Variants in TCF7L2 observed in about 807,000 individuals in gnomAD.
TCF7L2 encodes transcription factor 7 like 2, also known as transcription factor 7-like 2.
In TCF7L2, 23 loss-of-function variants were observed where a neutral mutation model predicts 77.9. The observed-to-expected ratio is 0.30, with a 90% confidence interval of 0.21 to 0.42. The LOEUF (loss-of-function observed/expected upper bound fraction) is 0.42. Among genes scored for constraint, TCF7L2 ranks in the 10% least tolerant of loss-of-function variants. The pLI is 1.00. For missense variants in TCF7L2, 654 were observed against 793.1 expected, an observed-to-expected ratio of 0.82 and a Z score of 2.11; for synonymous variants, 413 against 340.2, an observed-to-expected ratio of 1.21 and a Z score of -2.36.
intron 1 of TCF7L2, 66 bp downstream of exon 1, chr10:112,951,011 A>G: frequency 6.5e-7 from 1 of 1,542,908 alleles, no homozygotes; most frequent in Non-Finnish European, 8.7e-7. Flanking sequence ...AATGTTGCTG[A>G]AAGGGGAGAA....
At chr10:113,165,177 G>A (rs952804750) in intron 13 of TCF7L2, among the ~76,000 whole-genome samples, 13 of 152,314 alleles carry the variant, frequency 8.5e-5, no homozygotes, top group African/African-American at 2.9e-4. Context: ...AGCCAAAAGA[G>A]CTTTTCAGTT....
chr10:113,097,648 A>AAAAAAAAAAAAACAAAACAAAAC (rs2061162507), intron 5 of TCF7L2, among the ~76,000 whole-genome samples: 1 of 37,560 alleles, frequency 2.7e-5, no homozygotes, highest in African/African-American at 8.1e-5. Context: ...TTGTCTCGGA[A>AAAAAAAAAAAAACAAAACAAAAC]AAAAAAAAAA....
At chr10:113,145,221 A>G (rs2069139455) in intron 7 of TCF7L2, among the ~76,000 whole-genome samples, 1 of 151,330 alleles carries the variant, frequency 6.6e-6, no homozygotes, top group Non-Finnish European at 1.5e-5. Flanking sequence ...TTTTATTGGG[A>G]CGGTAGACAT....
At chr10:113,006,785 G>C (rs1329203548) in intron 4 of TCF7L2, among the ~76,000 whole-genome samples, 3 of 152,176 alleles carry the variant, frequency 2.0e-5, no homozygotes, top group African/African-American at 7.2e-5. Flanking sequence ...TAAGAAACAT[G>C]CCCTGTGGGG....
Position 112,965,621 on chromosome 10 carries a change from GTGTGTATA to G in TCF7L2, c.450+1003_450+1010del, listed in dbSNP as rs879908822. On this transcript the variant is annotated intron_variant, in intron 4 of 13. Coordinates refer to ENST00000627217, the MANE Select transcript of TCF7L2 (RefSeq NM_001146274.2). ...GCCCTTGCAGATAACTTGTCTGTGT[GTGTGTATA>G]TGTGTGTGTGTGTGTGTGTGTGTGT... is the stretch of plus-strand genomic sequence containing the variant. 6.5e-3 allele frequency among the ~76,000 whole-genome samples: 658 copies of G among 100,792 alleles called. 9 individuals are homozygous for G. In the East Asian group the frequency reaches 0.19, roughly 28 times the overall value. 66.1% of individuals were successfully genotyped at this position (100,792 alleles called of 152,430 possible). A position where few individuals can be genotyped will look rare whatever the true frequency, so the allele number is the denominator to read the frequency against.
rs2137179187 is a variant in TCF7L2 at position 113,152,380 on chromosome 10, C to T, written c.1209C>T (p.Ala403=). 5 of 1,614,168 alleles carry T rather than the reference C, an allele frequency of 3.1e-6. No homozygotes were observed. Among genetic ancestry groups the T allele is most frequent in the Non-Finnish European group, 4.2e-6 (5 of 1,180,036 alleles). The stretch of plus-strand genomic sequence containing the variant: ...AGCAAGCGAAATACTACGAGCTGGC[C>T]CGGAAGGAGCGACAGCTTCATATGC... Residue 403 remains alanine (A), a synonymous_variant, in exon 11 of 14, where the codon GCC becomes GCT. Transcript: ENST00000627217.
chr10:113,146,981 C>G (rs1363120300), intron 8 of TCF7L2, among the ~76,000 whole-genome samples: 1 of 152,130 alleles, frequency 6.6e-6, no homozygotes, highest in Non-Finnish European at 1.5e-5. Flanking sequence ...AAGATACATT[C>G]CTATCCCCAT....
At chr10:113,085,333 G>A (rs962945298) in intron 5 of TCF7L2, among the ~76,000 whole-genome samples, 6 of 151,824 alleles carry the variant, frequency 4.0e-5, no homozygotes, top group Admixed American at 3.9e-4. Context: ...GCCTCTGACA[G>A]TGCTGGGATT....
chr10:112,962,360 G>A (rs1356767025), intron 3 of TCF7L2, among the ~76,000 whole-genome samples: 1 of 116,852 alleles, frequency 8.6e-6, no homozygotes, highest in East Asian at 3.1e-4. Context: ...CAAGTTGTTA[G>A]TGTTGCCTAC....
At chr10:112,964,017 CT>C (rs2035929308) in intron 3 of TCF7L2, among the ~76,000 whole-genome samples, 1 of 152,132 alleles carries the variant, frequency 6.6e-6, no homozygotes, top group Admixed American at 6.6e-5. Flanking sequence ...CGGGTGGCCC[CT>C]GAATTCTGTC....
intron 5 of TCF7L2, among the ~76,000 whole-genome samples, chr10:113,105,408 T>C (rs191004221): frequency 5.9e-5 from 9 of 152,162 alleles, no homozygotes; most frequent in Non-Finnish European, 1.2e-4. Flanking sequence ...CCCTGCATGG[T>C]TGGATCCCTT....
At chr10:112,994,822 AGGC>A (rs1309620365) in intron 4 of TCF7L2, among the ~76,000 whole-genome samples, 1 of 152,176 alleles carries the variant, frequency 6.6e-6, no homozygotes, top group Non-Finnish European at 1.5e-5. Context: ...AAAGAAGGCC[AGGC>A]ACAGTGGCTC....
At position 113,141,442 on chromosome 10, in the gene TCF7L2, G is replaced by T. The variant is rs56913138; in HGVS notation, c.685+126G>T. 0.19 allele frequency: 259,050 copies of T among 1,360,662 alleles called. 26,831 individuals are homozygous for T. Among genetic ancestry groups the T allele is most frequent in the Middle Eastern group, 0.3 (1,531 of 5,120 alleles). 84.3% of individuals were successfully genotyped at this position (1,360,662 alleles called of 1,614,324 possible). On this transcript the variant is annotated intron_variant, in intron 6 of 13. Transcript: ENST00000627217. ...ACTTTGGGGGAACGGTGGTGGGGGG[G>T]CCCCTGTTGCTTTTCTGGGTGTTGA...
chr10:113,005,052 A>G (rs1344477289), intron 4 of TCF7L2, among the ~76,000 whole-genome samples: 3 of 152,164 alleles, frequency 2.0e-5, no homozygotes, highest in Non-Finnish European at 4.4e-5. Context: ...GCCTCGGTTC[A>G]GGGGAAGGGG....
At chr10:113,125,975 TGATCTTTTC>T (rs1270656397) in intron 5 of TCF7L2, 1 of 152,262 alleles carries the variant, frequency 6.6e-6, no homozygotes, top group Non-Finnish European at 1.5e-5. Flanking sequence ...TTAATCTTTT[TGATCTTTTC>T]AATTATCGCT....
chr10:113,115,752 A>G (rs905215471), intron 5 of TCF7L2, among the ~76,000 whole-genome samples: 2 of 152,114 alleles, frequency 1.3e-5, no homozygotes, highest in African/African-American at 4.8e-5. Flanking sequence ...CCTCCATTTC[A>G]AGGACAGCGC....
chr10:113,070,190 A>G (rs2057780940), intron 5 of TCF7L2, among the ~76,000 whole-genome samples: 1 of 150,284 alleles, frequency 6.7e-6, no homozygotes, highest in South Asian at 2.1e-4. Context: ...AGTGAGTCGG[A>G]GGTTGCAGTG....
chr10:113,054,723 G>C (rs1407646353), intron 5 of TCF7L2, among the ~76,000 whole-genome samples: 3 of 150,904 alleles, frequency 2.0e-5, no homozygotes, highest in Non-Finnish European at 4.4e-5. Flanking sequence ...ACCGAGTTCA[G>C]GTTTTTATAC....
At chr10:113,035,989 T>C (rs2051129536) in intron 4 of TCF7L2, among the ~76,000 whole-genome samples, 1 of 152,124 alleles carries the variant, frequency 6.6e-6, no homozygotes, top group Non-Finnish European at 1.5e-5. Context: ...CAAATTCCAC[T>C]TGCCCCGTCC....
Sources: gnomAD v4.1 joint callset for allele counts (sites outside exome capture counted in the v4.1 genomes callset) on GRCh38, gnomAD v4.1.1 for gene constraint, MANE v1.5 for transcripts, NCBI Gene and HGNC (gene_info 2026-07-23, HGNC 2026-07-21) for gene names.